MCTP1: variants seen among roughly 807,000 people sequenced by gnomAD.
MCTP1 encodes the protein multiple C2 and transmembrane domain-containing protein 1.
In MCTP1, 69 loss-of-function variants were observed where a neutral mutation model predicts 120.6. The ratio of observed to expected loss-of-function variants is 0.57; its 90% CI spans 0.47 to 0.70. The LOEUF is 0.70. MCTP1 is among the 30% of genes least tolerant of loss of function. MCTP1 has a pLI of 0.00. For synonymous variants in MCTP1, 529 were observed against 493.1 expected, an observed-to-expected ratio of 1.07 and a Z score of -0.96; for missense variants, 1,203 against 1,248.8, an observed-to-expected ratio of 0.96 and a Z score of 0.55.
At chr5:95,096,573 C>T (rs930063339) in intron 1 of MCTP1, among the ~76,000 whole-genome samples, 4 of 152,100 alleles carry the variant, frequency 2.6e-5, no homozygotes, top group South Asian at 2.1e-4. Context: ...AGCAAAGAGT[C>T]GCTTCAAAAT....
At chr5:94,821,827 T>A (rs1785721773) in intron 17 of MCTP1, among the ~76,000 whole-genome samples, 2 of 152,208 alleles carry the variant, frequency 1.3e-5, no homozygotes, top group Admixed American at 1.3e-4. Context: ...TACTGTATTT[T>A]CTATCTGCAT....
chr5:95,212,158 G>A (rs1752460644), intron 1 of MCTP1, among the ~76,000 whole-genome samples: 1 of 151,902 alleles, frequency 6.6e-6, no homozygotes, highest in South Asian at 2.1e-4. Flanking sequence ...AAATCAAATA[G>A]ACGCAATAAA....
rs181107062 is a variant in MCTP1, at chr5:95,017,474, T to C, written c.731A>G (p.Asn244Ser). 17 of 1,589,396 alleles carry C rather than the reference T, an allele frequency of 1.1e-5. No individual in the cohort carries two copies. The highest frequency in any genetic ancestry group is 8.7e-5 in the Admixed American group (5 of 57,572). The change falls in exon 2 of 23, where the codon AAC (asparagine) becomes AGC (serine). Residue 244 changes from asparagine to serine, a missense_variant. Coordinates refer to ENST00000515393, the MANE Select transcript of MCTP1 (RefSeq NM_024717.7). ...TTCTGCATTACTGGTTCCAGCAGTG[T>C]TTATTATTTTCTGGAAAACACGAAA... ...EEHGSSQKII[N>S]TAGTSNAEVP...
intron 17 of MCTP1, among the ~76,000 whole-genome samples, chr5:94,863,600 G>C (rs567346165): frequency 1.3e-5 from 2 of 151,946 alleles, no homozygotes; most frequent in African/African-American, 4.8e-5. Context: ...TTCTTCTTAA[G>C]CAATTCTCCC....
chr5:94,716,879 T>C (rs912798985), intron 19 of MCTP1, among the ~76,000 whole-genome samples: 3 of 152,030 alleles, frequency 2.0e-5, no homozygotes, highest in Non-Finnish European at 4.4e-5. Flanking sequence ...TAGGTAACTA[T>C]AGCTAAGAAA....
intron 17 of MCTP1, among the ~76,000 whole-genome samples, chr5:94,845,914 A>G (rs1300521634): frequency 6.6e-6 from 1 of 152,106 alleles, no homozygotes; most frequent in Non-Finnish European, 1.5e-5. Context: ...CAACATCACT[A>G]ATCATTAGAG....
rs984846891 is a variant in MCTP1 at position 94,935,598 on chromosome 5, A to G, written c.1174-3607T>C. 2.0e-5 allele frequency among the ~76,000 whole-genome samples: 3 copies of G among 152,062 alleles called. No individual in the cohort carries two copies. The South Asian group carries it at 6.2e-4, about 31-fold the overall frequency. On this transcript the variant is annotated intron_variant, in intron 5 of 22. Coordinates refer to ENST00000515393, the MANE Select transcript of MCTP1 (RefSeq NM_024717.7). ...TTCATTCTCCATTTTTAATACATAT[A>G]AAATATTTAGCAAAGTTTTATCAAC...
chr5:95,132,894 A>G (rs1397425801), intron 1 of MCTP1, among the ~76,000 whole-genome samples: 1 of 152,212 alleles, frequency 6.6e-6, no homozygotes, highest in Non-Finnish European at 1.5e-5. Context: ...TGATCACCAT[A>G]GTCCCTCAAG....
chr5:95,219,281 C>G (rs1753398494), intron 1 of MCTP1, among the ~76,000 whole-genome samples: 1 of 150,654 alleles, frequency 6.6e-6, no homozygotes, highest in African/African-American at 2.4e-5. Context: ...ACTCAGGAGG[C>G]TGAGGCAGGA....
At chr5:95,230,159 T>C (rs1303969162) in intron 1 of MCTP1, among the ~76,000 whole-genome samples, 1 of 117,514 alleles carries the variant, frequency 8.5e-6, no homozygotes, top group Non-Finnish European at 2.0e-5. Context: ...CACTCACAAA[T>C]ACACACACAT....
At chr5:95,009,732 A>G (rs1835542482) in intron 2 of MCTP1, among the ~76,000 whole-genome samples, 1 of 152,176 alleles carries the variant, frequency 6.6e-6, no homozygotes, top group South Asian at 2.1e-4. Flanking sequence ...TAGCTAACAA[A>G]ATGTGAAAGC....
intron 19 of MCTP1, among the ~76,000 whole-genome samples, chr5:94,724,718 G>A (rs1169769700): frequency 6.6e-6 from 1 of 152,068 alleles, no homozygotes; most frequent in African/African-American, 2.4e-5. Context: ...GTTACCCAGG[G>A]ACCTGTATTT....
chr5:95,121,061 G>A (rs575320452), intron 1 of MCTP1, among the ~76,000 whole-genome samples: 15 of 152,112 alleles, frequency 9.9e-5, no homozygotes, highest in South Asian at 2.1e-4. Context: ...GGCGGATCAC[G>A]AAGTCAGGAG....
At chr5:94,749,185 T>A (rs1767633880) in intron 19 of MCTP1, among the ~76,000 whole-genome samples, 1 of 152,098 alleles carries the variant, frequency 6.6e-6, no homozygotes, top group African/African-American at 2.4e-5. Context: ...CAATCTATCA[T>A]CAAGAAGACT....
intron 1 of MCTP1, among the ~76,000 whole-genome samples, chr5:95,194,827 T>C (rs1278708936): frequency 6.6e-6 from 1 of 152,150 alleles, no homozygotes; most frequent in Non-Finnish European, 1.5e-5. Context: ...ACACACAGAA[T>C]AGCACCCACA....
intron 1 of MCTP1, among the ~76,000 whole-genome samples, chr5:95,086,981 C>G (rs1292563332): frequency 6.6e-6 from 1 of 152,138 alleles, no homozygotes; most frequent in Non-Finnish European, 1.5e-5. Flanking sequence ...TCACGTTTCT[C>G]TCACTGAAGG....
chr5:94,882,457 C>T (rs932211780), intron 12 of MCTP1, among the ~76,000 whole-genome samples: 16 of 152,006 alleles, frequency 1.1e-4, no homozygotes, highest in African/African-American at 3.9e-4. Context: ...AATCTAGATC[C>T]TCTCTATTTG....
chr5:95,185,686 G>T (rs1218348165), intron 1 of MCTP1, among the ~76,000 whole-genome samples: 5 of 151,960 alleles, frequency 3.3e-5, no homozygotes, highest in African/African-American at 4.8e-5. Flanking sequence ...GGAAGCTGAG[G>T]CAGGAGAATC....
chr5:94,951,731 A>G (rs138433236), intron 3 of MCTP1, among the ~76,000 whole-genome samples: 4 of 151,826 alleles, frequency 2.6e-5, no homozygotes, highest in African/African-American at 9.7e-5. Flanking sequence ...TCATGTGGAT[A>G]TTTCTTTCTC....
Sources: gnomAD v4.1 joint callset for allele counts (sites outside exome capture counted in the v4.1 genomes callset) on GRCh38, gnomAD v4.1.1 for gene constraint, MANE v1.5 for transcripts, NCBI Gene and HGNC (gene_info 2026-07-23, HGNC 2026-07-21) for gene names.